Variants in ZFHX3 observed in about 807,000 individuals in gnomAD.
The protein encoded by ZFHX3 is zinc finger homeobox 3, also known as zinc finger homeobox protein 3.
Under a neutral mutation model 279.1 loss-of-function variants are expected in ZFHX3, and 42 were observed. The ratio of observed to expected loss-of-function variants is 0.15; its 90% CI spans 0.12 to 0.19. The LOEUF is 0.19. ZFHX3 is among the 10% of genes least tolerant of loss of function. The probability of loss-of-function intolerance (pLI) is 1.00; values close to 1 mark genes in which losing one functional copy is unlikely to be tolerated. For missense variants in ZFHX3, 4,981 were observed against 4,754.0 expected (o/e 1.05, Z -1.40); for synonymous variants, 2,293 against 1,957.8 (o/e 1.17, Z -4.52).
At chr16:73,476,377 T>C (rs982467947) in intron 2 of ZFHX3, among the ~76,000 whole-genome samples, 1 of 152,194 alleles carries the variant, frequency 6.6e-6, no homozygotes, top group African/African-American at 2.4e-5. Context: ...CTGCAGAACG[T>C]GTAGGTTGAT....
At chr16:73,206,124 T>A (rs2011791461) in intron 5 of ZFHX3, among the ~76,000 whole-genome samples, 1 of 152,210 alleles carries the variant, frequency 6.6e-6, no homozygotes, top group Admixed American at 6.5e-5. Flanking sequence ...AAAACTACCG[T>A]CAACTCTTTC....
chr16:73,448,499 G>A lies in ZFHX3; in HGVS notation c.-1291+7504C>T, dbSNP rs201087132. On this transcript the variant is annotated intron_variant, in intron 3 of 17. Transcript: ENST00000641206. ...TATGAAGTAGACAAGACTGAAAATAGAAAAACTGCTACAGGGCAAAGGCTT... is the reference window on the plus strand; with the variant it reads ...TATGAAGTAGACAAGACTGAAAATAAAAAAACTGCTACAGGGCAAAGGCTT... Among the ~76,000 whole-genome samples, 26 of 152,100 alleles carry A rather than the reference G, an allele frequency of 1.7e-4. No individual in the cohort carries two copies. The East Asian group carries it at 5.0e-3, about 29-fold the overall frequency.
At chr16:73,849,401 T>G (rs1961536898) in intron 1 of ZFHX3, among the ~76,000 whole-genome samples, 1 of 152,214 alleles carries the variant, frequency 6.6e-6, no homozygotes, top group Admixed American at 6.5e-5. Flanking sequence ...CTGGCTCTAA[T>G]AGCCAATGTG....
rs528257326 is a variant in ZFHX3 at position 73,361,061 on chromosome 16, A to G, written c.-1290-42725T>C. On this transcript the variant is annotated intron_variant, in intron 3 of 17. Transcript: ENST00000641206. ...GCATTTTGAGTTTGAGGATCTAGGAAAGCTCATCAAAGCCTGGAAAGTGTC... is the reference window on the plus strand; with the variant it reads ...GCATTTTGAGTTTGAGGATCTAGGAGAGCTCATCAAAGCCTGGAAAGTGTC... Among the ~76,000 whole-genome samples the G allele has an allele frequency of 5.9e-5, 9 of 152,352 alleles. No individual in the cohort carries two copies. The South Asian group carries it at 1.7e-3, about 28-fold the overall frequency.
At chr16:72,929,992 C>G (rs1216311636) in intron 3 of ZFHX3, among the ~76,000 whole-genome samples, 1 of 152,108 alleles carries the variant, frequency 6.6e-6, no homozygotes, top group African/African-American at 2.4e-5. Context: ...CCGAAGTGGG[C>G]GGATCACTGG....
chr16:72,975,767 C>A (rs1962322222), intron 1 of ZFHX3, among the ~76,000 whole-genome samples: 1 of 152,162 alleles, frequency 6.6e-6, no homozygotes, highest in Non-Finnish European at 1.5e-5. Flanking sequence ...GCAATAATTA[C>A]ACCCTCACCA....
intron 4 of ZFHX3, among the ~76,000 whole-genome samples, chr16:73,313,078 T>A (rs2015362761): frequency 6.6e-6 from 1 of 152,142 alleles, no homozygotes; most frequent in Admixed American, 6.5e-5. Context: ...GATTTCCCCC[T>A]TGCTGTTCTC....
intron 1 of ZFHX3, among the ~76,000 whole-genome samples, chr16:73,026,357 A>T (rs536184645): frequency 6.6e-6 from 1 of 151,710 alleles, no homozygotes; most frequent in Non-Finnish European, 1.5e-5. Context: ...TGGGGGGCAG[A>T]GCAAGACTCT....
intron 4 of ZFHX3, among the ~76,000 whole-genome samples, chr16:73,276,174 TTTC>T (rs1383921065): frequency 7.0e-6 from 1 of 142,232 alleles, no homozygotes; most frequent in Non-Finnish European, 1.5e-5. Flanking sequence ...TTCCTTTTTC[TTTC>T]TTTTTTTTTT....
At chr16:73,015,624 A>C (rs940665653) in intron 1 of ZFHX3, 20 of 152,170 alleles carry the variant, frequency 1.3e-4, no homozygotes, top group African/African-American at 4.6e-4. Flanking sequence ...AACCTTACCC[A>C]ATATATTCCA....
intron 3 of ZFHX3, among the ~76,000 whole-genome samples, chr16:72,910,201 G>A (rs1328589838): frequency 6.6e-6 from 1 of 152,156 alleles, no homozygotes; most frequent in Admixed American, 6.5e-5. Context: ...CACTTTGAAC[G>A]AACCTAGTGA....
intron 5 of ZFHX3, among the ~76,000 whole-genome samples, chr16:73,174,674 G>A (rs917299185): frequency 6.6e-6 from 1 of 151,792 alleles, no homozygotes; most frequent in Admixed American, 6.6e-5. Flanking sequence ...CTCTTCTCCT[G>A]CCCCATTGCA....
chr16:73,161,331 A>G (rs181302959), intron 5 of ZFHX3, among the ~76,000 whole-genome samples: 12 of 152,008 alleles, frequency 7.9e-5, no homozygotes, highest in Non-Finnish European at 1.5e-4. Flanking sequence ...GTCGTCTCCA[A>G]CCACCTCGGA....
At chr16:73,728,538 T>A (rs2053541306) in intron 1 of ZFHX3, among the ~76,000 whole-genome samples, 1 of 152,160 alleles carries the variant, frequency 6.6e-6, no homozygotes, top group Non-Finnish European at 1.5e-5. Flanking sequence ...AGAGAAAATG[T>A]AATGTGTAGC....
chr16:73,013,017 GC>G (rs1347624722), intron 1 of ZFHX3, among the ~76,000 whole-genome samples: 1 of 152,166 alleles, frequency 6.6e-6, no homozygotes, highest in Non-Finnish European at 1.5e-5. Context: ...GCCAAAGGCA[GC>G]CTATAAGCCA....
At chr16:73,123,666 A>C (rs1279930102) in intron 7 of ZFHX3, 1 of 152,122 alleles carries the variant, frequency 6.6e-6, no homozygotes, top group Non-Finnish European at 1.5e-5. Flanking sequence ...TATTTTAAAA[A>C]TATGGTGCTA....
chr16:73,188,247 T>G (rs1967958720), intron 5 of ZFHX3, among the ~76,000 whole-genome samples: 1 of 151,970 alleles, frequency 6.6e-6, no homozygotes, highest in Non-Finnish European at 1.5e-5. Flanking sequence ...CAGGCTGGAG[T>G]GCAGTGACAC....
rs554683752 is a variant in ZFHX3 at position 73,745,424 on chromosome 16, T to C, written c.-1607-65184A>G. Among the ~76,000 whole-genome samples the C allele has an allele frequency of 9.9e-5, 15 of 152,270 alleles. No homozygotes were observed. The South Asian group carries it at 3.1e-3, about 32-fold the overall frequency. ...TCATGGTCCTACAAGGAGCAGGGCA[T>C]AGACTCCTGGGTCAGACACAAAGGC... On this transcript the variant is annotated intron_variant, in intron 1 of 17. Transcript: ENST00000641206.
intron 1 of ZFHX3, among the ~76,000 whole-genome samples, chr16:73,842,505 G>A (rs1961336824): frequency 6.6e-6 from 1 of 152,076 alleles, no homozygotes; most frequent in Non-Finnish European, 1.5e-5. Context: ...TCCAGCCTAT[G>A]CTCCATATCC....
Sources: allele counts gnomAD v4.1 joint callset (sites outside exome capture counted in the v4.1 genomes callset), GRCh38; gene constraint gnomAD v4.1.1; transcripts MANE v1.5; gene names NCBI Gene and HGNC (gene_info 2026-07-23, HGNC 2026-07-21).